The following CDK17 variants were observed in gnomAD, a reference collection of about 807,000 sequenced individuals.
CDK17 encodes the protein cyclin-dependent kinase 17.
CDK17 carries 24 observed loss-of-function variants against 77.6 expected under a neutral mutation model. The observed-to-expected ratio is 0.31, with a 90% CI of 0.22 to 0.44. The LOEUF is 0.44. CDK17 is among the 20% of genes least tolerant of loss of function. The pLI, the probability that CDK17 is intolerant of heterozygous loss-of-function variation, is 1.00. For synonymous variants in CDK17, 203 were observed against 210.4 expected (o/e 0.96, Z 0.30); for missense variants, 429 against 622.5 (o/e 0.69, Z 3.31).
Position 96,297,644 on chromosome 12 carries a change from A to G in CDK17, c.793T>C (p.Leu265=), listed in dbSNP as rs1952427743. 2.5e-6 allele frequency: 4 copies of G among 1,595,424 alleles called. No homozygotes were observed. The highest frequency in any genetic ancestry group is 3.3e-4 in the Middle Eastern group (2 of 5,982). The change falls in exon 8 of 17, where the codon TTG becomes CTG. Residue 265 remains leucine, a synonymous_variant. Coordinates refer to ENST00000261211, the MANE Select transcript of CDK17 (RefSeq NM_002595.5). ...DIVHTDKSLT[L]VFEYLDKDLK... ...ATGCTTACCAGATACTCAAACACCA[A>G]AGTCAAGGATTTATCTGTGTGAACA...
At chr12:96,289,690 T>C (rs1241963873) in intron 10 of CDK17, among the ~76,000 whole-genome samples, 1 of 152,240 alleles carries the variant, frequency 6.6e-6, no homozygotes, top group Admixed American at 6.5e-5. Flanking sequence ...CTATGAGCTT[T>C]TGTCACCTTT....
At chr12:96,366,259 A>T (rs1343049324) in intron 1 of CDK17, among the ~76,000 whole-genome samples, 1 of 152,202 alleles carries the variant, frequency 6.6e-6, no homozygotes, top group African/African-American at 2.4e-5. Flanking sequence ...ACATTCCACC[A>T]GAGAACTAGG....
intron 16 of CDK17, 103 bp downstream of exon 16, chr12:96,280,705 T>C (rs148886677): frequency 0.01 from 15,849 of 1,531,544 alleles, 105 homozygotes; most frequent in Non-Finnish European, 0.012. Context: ...CACTGTACAT[T>C]GGTTTTTACA....
intron 10 of CDK17, among the ~76,000 whole-genome samples, chr12:96,293,415 T>C (rs149032741): frequency 1.3e-5 from 2 of 152,308 alleles, no homozygotes; most frequent in African/African-American, 4.8e-5. Flanking sequence ...GTTGCTTTGA[T>C]ACATATCACA....
chr12:96,382,668 A>AC (rs1953902914), intron 1 of CDK17, among the ~76,000 whole-genome samples: 1 of 152,226 alleles, frequency 6.6e-6, no homozygotes, highest in Non-Finnish European at 1.5e-5. Context: ...CACCATAATT[A>AC]AGTAAGCTTT....
chr12:96,296,552 C>T lies in CDK17; in HGVS notation c.873+718G>A, dbSNP rs1015009860. On this transcript the variant is annotated intron_variant, in intron 9 of 16. Transcript: ENST00000261211. ...TAGAAATGTCTGAAGCACACAGCTG[C>T]GACAGCCTATTTTCAGAATAGGTTC... Among the ~76,000 whole-genome samples the T allele has an allele frequency of 2.0e-5, 3 of 152,108 alleles. No individual in the cohort carries two copies. The East Asian group carries it at 5.8e-4, about 29-fold the overall frequency.
intron 5 of CDK17, among the ~76,000 whole-genome samples, chr12:96,304,309 A>AG (rs1375208190): frequency 6.6e-6 from 1 of 152,114 alleles, no homozygotes; most frequent in Admixed American, 6.5e-5. Context: ...GAGGCCGAGA[A>AG]GGGCGGATCA....
chr12:96,389,420 G>A (rs1256351316), intron 1 of CDK17, among the ~76,000 whole-genome samples: 1 of 152,070 alleles, frequency 6.6e-6, no homozygotes, highest in East Asian at 1.9e-4. Flanking sequence ...CCAAAAAATT[G>A]TACCTGAAAT....
rs11537648 is a variant in CDK17 at position 96,400,338 on chromosome 12, T to A, written c.-382A>T. 0.14 allele frequency: 53,966 copies of A among 387,100 alleles called. 4,073 individuals carry two copies. The highest frequency in any genetic ancestry group is 0.25 in the South Asian group (1,838 of 7,402). 24.0% of individuals were successfully genotyped at this position (387,100 alleles called of 1,614,324 possible). On this transcript the variant is annotated 5_prime_UTR_variant, in exon 1 of 17. Coordinates refer to ENST00000261211, the MANE Select transcript of CDK17 (RefSeq NM_002595.5). ...ACTGTCTGGCCGGGCGCTGGCTCCT[T>A]CTCCGCGGCTCTGCGGCGGCCCGCG...
intron 1 of CDK17, chr12:96,386,993 T>C: frequency 3.2e-6 from 1 of 308,796 alleles, no homozygotes; most frequent in South Asian, 3.8e-5. Context: ...AACTGTCTGG[T>C]AGAGTAAAAT....
At position 96,280,064 on chromosome 12, in the gene CDK17, A is replaced by T; in HGVS notation, c.*178T>A. 2 of 587,042 alleles carry T rather than the reference A, an allele frequency of 3.4e-6. No individual in the cohort carries two copies. The highest frequency in any genetic ancestry group is 5.6e-6 in the Non-Finnish European group (2 of 358,496). The allele number at this position is 587,042 out of a possible 1,614,324, so 36.4% of individuals were successfully genotyped here. A position where few individuals can be genotyped will look rare whatever the true frequency, so the allele number is the denominator to read the frequency against. ...AACCGACTGTACAAAAAATTGTCAC[A>T]CTGTGACAACAAATATAAAAACAAT... On this transcript the variant is annotated 3_prime_UTR_variant, in exon 17 of 17. Coordinates refer to ENST00000261211, the MANE Select transcript of CDK17 (RefSeq NM_002595.5).
At position 96,302,222 on chromosome 12, in the gene CDK17, A is replaced by G. The variant is rs537233498; in HGVS notation, c.544-1862T>C. On this transcript the variant is annotated intron_variant, in intron 5 of 16. Coordinates refer to ENST00000261211, the MANE Select transcript of CDK17 (RefSeq NM_002595.5). ...AACTACAATAGATAACATTTTTAAA[A>G]TACAAGTGAAGTTTTTAAAATCAGT... Among the ~76,000 whole-genome samples the G allele has an allele frequency of 4.6e-5, 7 of 152,280 alleles. No homozygotes were observed. In the East Asian group the frequency reaches 1.3e-3, roughly 29 times the overall value.
chr12:96,378,399 G>C (rs1953822654), intron 1 of CDK17, among the ~76,000 whole-genome samples: 1 of 152,100 alleles, frequency 6.6e-6, no homozygotes, highest in Non-Finnish European at 1.5e-5. Flanking sequence ...TCGTGTTTTT[G>C]TTTGAATAGT....
At chr12:96,363,787 T>C (rs1592754712) in intron 1 of CDK17, among the ~76,000 whole-genome samples, 1 of 152,150 alleles carries the variant, frequency 6.6e-6, no homozygotes, top group Middle Eastern at 3.4e-3. Context: ...GAGGTGGAGG[T>C]TGCTGCGAGC....
rs981081518 is a variant in CDK17 at position 96,279,953 on chromosome 12, G to C, written c.*289C>G. On this transcript the variant is annotated 3_prime_UTR_variant, in exon 17 of 17. Transcript: ENST00000261211. ...ATGATTCCGCAATAAATAATGCACT[G>C]TGTTTCTCAGTCCTGCACAAAAATT... is the stretch of plus-strand genomic sequence containing the variant. The C allele has an allele frequency of 3.2e-6, 1 of 311,774 alleles. No individual in the cohort carries two copies. Among genetic ancestry groups the C allele is most frequent in the African/African-American group, 2.1e-5 (1 of 46,542 alleles). 19.3% of individuals were successfully genotyped at this position (311,774 alleles called of 1,614,324 possible). A position where few individuals can be genotyped will look rare whatever the true frequency, so the allele number is the denominator to read the frequency against.
intron 1 of CDK17, among the ~76,000 whole-genome samples, chr12:96,337,288 T>C (rs1414558179): frequency 2.0e-5 from 3 of 152,052 alleles, no homozygotes; most frequent in Non-Finnish European, 4.4e-5. Context: ...TCATCTCTTA[T>C]GCCTTGCTCA....
rs750829321 is a variant in CDK17, at chr12:96,295,121, A to G, written c.875T>C (p.Leu292Pro). The part of the protein sequence containing the change: ...GNIMSMHNVK[L>P]FLYQILRGLA... ...ACCACGTAGAATTTGGTACAGAAAC[A>G]GCTACAGAAACAAATAAATAAAAAT... Residue 292 changes from leucine (L) to proline (P), a missense_variant and splice_region_variant, in exon 10 of 17, where the codon CTG becomes CCG. Coordinates refer to ENST00000261211, the MANE Select transcript of CDK17 (RefSeq NM_002595.5). The G allele has an allele frequency of 6.3e-7, 1 of 1,596,446 alleles. No individual in the cohort carries two copies. Among genetic ancestry groups the G allele is most frequent in the Non-Finnish European group, 8.5e-7 (1 of 1,173,696 alleles).
At chr12:96,298,115 C>T (rs993489719) in intron 7 of CDK17, among the ~76,000 whole-genome samples, 1 of 151,952 alleles carries the variant, frequency 6.6e-6, no homozygotes, top group Admixed American at 6.6e-5. Context: ...AACCCCGTCT[C>T]TACTAAAAAA....
intron 1 of CDK17, among the ~76,000 whole-genome samples, chr12:96,367,408 G>C (rs1953606096): frequency 6.8e-6 from 1 of 147,896 alleles, no homozygotes; most frequent in Non-Finnish European, 1.5e-5. Flanking sequence ...CAAGTCTGAG[G>C]TTAATTTCTT....
Sources: gnomAD v4.1 joint callset for allele counts (sites outside exome capture counted in the v4.1 genomes callset) on GRCh38, gnomAD v4.1.1 for gene constraint, MANE v1.5 for transcripts, NCBI Gene and HGNC (gene_info 2026-07-23, HGNC 2026-07-21) for gene names.